ARSB: variants seen among roughly 807,000 people sequenced by gnomAD.
ARSB encodes the protein N-acetylgalactosamine-4-sulfatase.
Under a neutral mutation model 50.9 loss-of-function variants are expected in ARSB, and 41 were observed. The observed-to-expected ratio is 0.81, with a 90% CI of 0.63 to 1.04. ARSB has a LOEUF of 1.04. Ranked by LOEUF, ARSB falls within the 50% of genes least tolerant of loss-of-function variation. ARSB has a pLI of 0.00. For missense variants in ARSB, 672 were observed against 693.3 expected, an observed-to-expected ratio of 0.97 and a Z score of 0.35; for synonymous variants, 269 against 284.8, an observed-to-expected ratio of 0.94 and a Z score of 0.56.
intron 3 of ARSB, among the ~76,000 whole-genome samples, chr5:78,962,597 G>C (rs3822575): frequency 1.4e-5 from 2 of 146,140 alleles, no homozygotes; most frequent in African/African-American, 5.1e-5. Context: ...GTGCGATCTC[G>C]GCTCACTGCA....
At chr5:78,834,607 G>GCA (rs1744854334) in intron 6 of ARSB, among the ~76,000 whole-genome samples, 1 of 85,602 alleles carries the variant, frequency 1.2e-5, no homozygotes, top group African/African-American at 4.0e-5. Context: ...ATATATATGT[G>GCA]TATATATATA....
chr5:78,858,713 C>T (rs1343569738), intron 5 of ARSB, among the ~76,000 whole-genome samples: 2 of 152,066 alleles, frequency 1.3e-5, no homozygotes, highest in East Asian at 3.8e-4. Context: ...AAAAAAATAA[C>T]CCCAGTTACT....
At chr5:78,806,558 G>A (rs1743572298) in intron 6 of ARSB, among the ~76,000 whole-genome samples, 1 of 152,156 alleles carries the variant, frequency 6.6e-6, no homozygotes, top group Non-Finnish European at 1.5e-5. Context: ...GGTCTGTGCA[G>A]CCACATCACA....
chr5:78,933,198 G>A (rs928948515), intron 4 of ARSB, among the ~76,000 whole-genome samples: 2 of 152,310 alleles, frequency 1.3e-5, no homozygotes, highest in East Asian at 3.9e-4. Context: ...TACCGAAAAA[G>A]TATTAATGCA....
In ARSB at chr5:78,955,407, G is replaced by GT. The variant is rs749015246; in HGVS notation, c.785dup (p.Asn262LysfsTer14). 9 of 1,614,062 alleles carry GT rather than the reference G, an allele frequency of 5.6e-6. No homozygotes were observed. The highest frequency in any genetic ancestry group is 6.8e-6 in the Non-Finnish European group (8 of 1,180,036). On this transcript the variant is annotated frameshift_variant, in exon 4 of 8. Transcript: ENST00000264914. LOFTEE classifies it high-confidence loss of function. ...ACACCATTCCTGCATAGTGATGCCT[G>GT]TTCTTGTCTTGGATAAAGTCATATG...
intron 5 of ARSB, among the ~76,000 whole-genome samples, chr5:78,862,758 T>A (rs1326955669): frequency 6.6e-6 from 1 of 151,986 alleles, no homozygotes; most frequent in African/African-American, 2.4e-5. Flanking sequence ...ACAAATGGGA[T>A]CTAATTAAAC....
At chr5:78,881,937 T>C (rs1323413798) in intron 5 of ARSB, among the ~76,000 whole-genome samples, 2 of 152,264 alleles carry the variant, frequency 1.3e-5, no homozygotes, top group African/African-American at 2.4e-5. Context: ...TCGTTCATTT[T>C]TATGTATAGG....
At chr5:78,913,227 C>A in intron 4 of ARSB, among the ~76,000 whole-genome samples, 1 of 152,052 alleles carries the variant, frequency 6.6e-6, no homozygotes, top group Non-Finnish European at 1.5e-5. Context: ...CAGGTTCACG[C>A]CATTCTCCTG....
intron 6 of ARSB, chr5:78,815,398 G>T: frequency 8.0e-6 from 3 of 375,400 alleles, no homozygotes; most frequent in Non-Finnish European, 7.3e-6. Flanking sequence ...GCAGCTTCAA[G>T]AACAGAAGAG....
At chr5:78,964,382 G>A in intron 3 of ARSB, 34 bp downstream of exon 3, 1 of 1,593,230 alleles carries the variant, frequency 6.3e-7, no homozygotes, top group South Asian at 1.1e-5. Flanking sequence ...AGTGTAACAA[G>A]ATTTTGCTAT....
At chr5:78,859,402 C>T (rs1337071931) in intron 5 of ARSB, among the ~76,000 whole-genome samples, 1 of 152,122 alleles carries the variant, frequency 6.6e-6, no homozygotes, top group Non-Finnish European at 1.5e-5. Flanking sequence ...CTATTCATTA[C>T]TAAAAAATAA....
At chr5:78,887,232 T>A (rs1748080597) in intron 4 of ARSB, among the ~76,000 whole-genome samples, 1 of 152,176 alleles carries the variant, frequency 6.6e-6, no homozygotes, top group African/African-American at 2.4e-5. Context: ...GGTGAGGGCT[T>A]TTGTGCTGCA....
intron 6 of ARSB, among the ~76,000 whole-genome samples, chr5:78,799,395 C>T (rs948036103): frequency 1.3e-5 from 2 of 152,178 alleles, no homozygotes; most frequent in Admixed American, 6.5e-5. Flanking sequence ...CTGAGAAATG[C>T]CAACCGTTAG....
rs191697061 is a variant in ARSB, at chr5:78,916,557, G to A, written c.899-30730C>T. On this transcript the variant is annotated intron_variant, in intron 4 of 7. Coordinates refer to ENST00000264914, the MANE Select transcript of ARSB (RefSeq NM_000046.5). ...TCCCCAAAGACATCTTTCTCTTATT[G>A]ATAAAAACAGAAAGATAAGAAGGAA... 2.7e-3 allele frequency among the ~76,000 whole-genome samples: 413 copies of A among 152,254 alleles called. 1 individual carries two copies. Among genetic ancestry groups the A allele is most frequent in the South Asian group, 9.3e-3 (45 of 4,824 alleles).
chr5:78,795,685 G>A (rs142704387), intron 6 of ARSB, among the ~76,000 whole-genome samples: 12 of 152,308 alleles, frequency 7.9e-5, no homozygotes, highest in Non-Finnish European at 1.5e-4. Flanking sequence ...AAATATGCCA[G>A]ACATGAAGCT....
chr5:78,974,306 C>T (rs1259448053), intron 1 of ARSB, among the ~76,000 whole-genome samples: 3 of 152,188 alleles, frequency 2.0e-5, no homozygotes, highest in Non-Finnish European at 2.9e-5. Context: ...GCCCGTGTCA[C>T]TGACAGTTTT....
At chr5:78,922,198 T>G (rs1749848487) in intron 4 of ARSB, among the ~76,000 whole-genome samples, 1 of 56,558 alleles carries the variant, frequency 1.8e-5, no homozygotes, top group African/African-American at 1.0e-4. Flanking sequence ...GCCAGTGGAT[T>G]TGGTGGGGGG....
chr5:78,955,375 A>G lies in ARSB; in HGVS notation c.818T>C (p.Met273Thr), dbSNP rs768696049. 1.9e-6 allele frequency: 3 copies of G among 1,614,218 alleles called. No individual in the cohort carries two copies. Among genetic ancestry groups the G allele is most frequent in the Non-Finnish European group, 2.5e-6 (3 of 1,180,030 alleles). Residue 273 changes from methionine to threonine, a missense_variant, in exon 4 of 8, where the codon ATG becomes ACG. Physicochemically the swap from Met to Thr is moderately conservative, Grantham distance 81. Coordinates refer to ENST00000264914, the MANE Select transcript of ARSB (RefSeq NM_000046.5). ...RHHYAGMVSL[M>T]DEAVGNVTAA... ...AGTGACATTTCCTACTGCTTCATCCATAAGGGACACCATTCCTGCATAGTG... is the reference window on the plus strand; with the variant it reads ...AGTGACATTTCCTACTGCTTCATCCGTAAGGGACACCATTCCTGCATAGTG...
At chr5:78,876,298 T>A (rs1455231019) in intron 5 of ARSB, among the ~76,000 whole-genome samples, 1 of 152,154 alleles carries the variant, frequency 6.6e-6, no homozygotes, top group Non-Finnish European at 1.5e-5. Flanking sequence ...TTTAAAACAC[T>A]TGAAAGTGAG....
Sources: allele counts gnomAD v4.1 joint callset (sites outside exome capture counted in the v4.1 genomes callset), GRCh38; gene constraint gnomAD v4.1.1; transcripts MANE v1.5; gene names NCBI Gene and HGNC (gene_info 2026-07-23, HGNC 2026-07-21).